The following CPNE3 variants were observed in gnomAD, a reference collection of about 807,000 sequenced individuals.
CPNE3 encodes the protein copine 3, also known as copine-3.
In CPNE3, 68 loss-of-function variants were observed where a neutral mutation model predicts 63.9. That is an observed-to-expected ratio of 1.06 (90% CI 0.87 to 1.30). The LOEUF is 1.30. CPNE3 is among the 50% of genes most tolerant of loss of function. CPNE3 has a pLI of 0.00. For missense variants in CPNE3, 665 were observed against 578.1 expected (o/e 1.15, Z -1.54); for synonymous variants, 219 against 197.5 (o/e 1.11, Z -0.91).
chr8:86,526,218 A>T (rs1479739910), intron 2 of CPNE3, among the ~76,000 whole-genome samples: 1 of 150,290 alleles, frequency 6.7e-6, no homozygotes, highest in Non-Finnish European at 1.5e-5. Flanking sequence ...ACAGAGCAAG[A>T]CTCCGTCTCA....
chr8:86,542,051 T>C (rs1820953498), intron 8 of CPNE3, among the ~76,000 whole-genome samples: 2 of 152,236 alleles, frequency 1.3e-5, no homozygotes, highest in South Asian at 4.1e-4. Context: ...CACAGTGGCA[T>C]GCTTACAGGG....
At chr8:86,525,820 G>A (rs1325402392) in intron 2 of CPNE3, among the ~76,000 whole-genome samples, 1 of 151,968 alleles carries the variant, frequency 6.6e-6, no homozygotes, top group African/African-American at 2.4e-5. Context: ...CTCATTCTAT[G>A]TTCATCCACA....
At chr8:86,547,317 A>T (rs1821074017) in intron 10 of CPNE3, 1 of 170,982 alleles carries the variant, frequency 5.8e-6, no homozygotes, top group African/African-American at 2.4e-5. Flanking sequence ...CATACTTTCA[A>T]TATAAAATGT....
chr8:86,534,093 CT>C (rs879784916), intron 6 of CPNE3, among the ~76,000 whole-genome samples: 105 of 145,134 alleles, frequency 7.2e-4, no homozygotes, highest in African/African-American at 1.0e-3. Flanking sequence ...AAGACTCCAT[CT>C]TTTTTTTTTT....
intron 6 of CPNE3, 80 bp from the exon 7 acceptor site, chr8:86,537,483 A>G (rs1012875923): frequency 1.2e-6 from 1 of 845,444 alleles, no homozygotes; most frequent in East Asian, 2.4e-5. Context: ...GTGGTTGCCA[A>G]CATGTGTAAA....
chr8:86,548,236 C>T (rs1821096755), intron 11 of CPNE3, 65 bp from the exon 12 acceptor site: 1 of 1,568,382 alleles, frequency 6.4e-7, no homozygotes, highest in African/African-American at 1.4e-5. Flanking sequence ...TTGAAGTTTT[C>T]CTGGACATCA....
At position 86,533,974 on chromosome 8, in the gene CPNE3, T is replaced by C. The variant is rs541721297; in HGVS notation, c.459+1394T>C. On this transcript the variant is annotated intron_variant, in intron 6 of 16. Transcript: ENST00000517490. ...TCTTTATCCTACACAAGTTTCCACG[T>C]TCAAGTTGGGCACAGGTGATGCACA... Among the ~76,000 whole-genome samples, 564 of 152,242 alleles carry C rather than the reference T, an allele frequency of 3.7e-3. 4 individuals carry two copies. Among genetic ancestry groups the C allele is most frequent in the Non-Finnish European group, 6.7e-3 (454 of 68,014 alleles).
chr8:86,539,707 G>A (rs1820886444), intron 7 of CPNE3, among the ~76,000 whole-genome samples: 1 of 122,866 alleles, frequency 8.1e-6, no homozygotes, highest in African/African-American at 3.3e-5. Flanking sequence ...CTGTCACCCA[G>A]GCTGGAATGC....
In CPNE3 at chr8:86,532,592, A is replaced by T. The variant is rs765428295; in HGVS notation, c.459+12A>T. The T allele has an allele frequency of 6.2e-7, 1 of 1,604,062 alleles. No homozygotes were observed. The highest frequency in any genetic ancestry group is 1.7e-5 in the Admixed American group (1 of 57,554). On this transcript the variant is annotated intron_variant, in intron 6 of 16. Coordinates refer to ENST00000517490, the MANE Select transcript of CPNE3 (RefSeq NM_003909.5). ...AACTGGATAATAAGGTGGGTAGACT[A>T]TGCAGATTTCAAAAAGGTTGTCATG...
chr8:86,538,820 T>C (rs1820863447), intron 7 of CPNE3, among the ~76,000 whole-genome samples: 1 of 152,192 alleles, frequency 6.6e-6, no homozygotes, highest in African/African-American at 2.4e-5. Flanking sequence ...GATGTCATGC[T>C]TGGCTACTTG....
chr8:86,550,729 G>A (rs1308323124), intron 12 of CPNE3, among the ~76,000 whole-genome samples: 2 of 152,172 alleles, frequency 1.3e-5, no homozygotes, highest in Admixed American at 6.5e-5. Context: ...AGGGCTTCAT[G>A]TATTTATTTA....
chr8:86,519,579 G>A (rs889723553), intron 2 of CPNE3, among the ~76,000 whole-genome samples: 1 of 152,122 alleles, frequency 6.6e-6, no homozygotes, highest in African/African-American at 2.4e-5. Context: ...TTTCCTTATT[G>A]TGCTGCATCT....
At chr8:86,525,953 A>G (rs1405860486) in intron 2 of CPNE3, among the ~76,000 whole-genome samples, 2 of 152,230 alleles carry the variant, frequency 1.3e-5, no homozygotes, top group African/African-American at 4.8e-5. Flanking sequence ...GCAAAAAAAC[A>G]GTATGCCTGG....
intron 4 of CPNE3, among the ~76,000 whole-genome samples, chr8:86,530,304 G>T (rs1386968728): frequency 6.6e-6 from 1 of 151,976 alleles, no homozygotes; most frequent in African/African-American, 2.4e-5. Flanking sequence ...CAAGTAGCTA[G>T]GACTATAAGC....
At chr8:86,532,027 A>G (rs1433502525) in intron 5 of CPNE3, among the ~76,000 whole-genome samples, 8 of 152,240 alleles carry the variant, frequency 5.3e-5, no homozygotes, top group African/African-American at 1.9e-4. Context: ...AGAGAACATT[A>G]TCAGTAGTTA....
At chr8:86,548,523 G>T in intron 12 of CPNE3, 89 bp downstream of exon 12, 1 of 1,503,852 alleles carries the variant, frequency 6.6e-7, no homozygotes, top group South Asian at 1.2e-5. Context: ...CTCTGATATA[G>T]GTGGTAGGTT....
chr8:86,534,526 C>T (rs375548605), intron 6 of CPNE3, among the ~76,000 whole-genome samples: 42 of 152,100 alleles, frequency 2.8e-4, no homozygotes, highest in African/African-American at 9.6e-4. Context: ...CGTGGTGGTG[C>T]GTGCCAGTAG....
intron 6 of CPNE3, among the ~76,000 whole-genome samples, chr8:86,532,937 AT>A (rs200302107): frequency 5.3e-5 from 8 of 151,732 alleles, no homozygotes; most frequent in East Asian, 3.9e-4. Context: ...TCAAAGGTCA[AT>A]TTTTTTTTAT....
In CPNE3 at chr8:86,551,095, T is replaced by A. The variant is rs1008108173; in HGVS notation, c.1063T>A (p.Trp355Arg). Residue 355 changes from tryptophan to arginine, a missense_variant, in exon 13 of 17, where the codon TGG becomes AGG. Trp to Arg is a moderately radical substitution (Grantham distance 101, BLOSUM62 -3). Coordinates refer to ENST00000517490, the MANE Select transcript of CPNE3 (RefSeq NM_003909.5). ...TTTTGGCGCTCAGATACCTCCTCAG[T>A]GGCAGGTAAGAGGAAATCTCTATTT... ...FGFGAQIPPQ[W>R]QVSHEFPMNF... 1.2e-6 allele frequency: 2 copies of A among 1,612,818 alleles called. No homozygotes were observed. The highest frequency in any genetic ancestry group is 2.7e-5 in the African/African-American group (2 of 75,050).
Sources: gnomAD v4.1 joint callset for allele counts (sites outside exome capture counted in the v4.1 genomes callset) on GRCh38, gnomAD v4.1.1 for gene constraint, MANE v1.5 for transcripts, NCBI Gene and HGNC (gene_info 2026-07-23, HGNC 2026-07-21) for gene names.